LRRC4C: variants seen among roughly 807,000 people sequenced by gnomAD.
LRRC4C encodes the protein leucine-rich repeat-containing protein 4C.
In LRRC4C, 5 loss-of-function variants were observed where a neutral mutation model predicts 33.6. The ratio of observed to expected loss-of-function variants is 0.15; its 90% CI spans 0.08 to 0.31. The LOEUF (loss-of-function observed/expected upper bound fraction) is 0.31. LRRC4C is among the 10% of genes least tolerant of loss of function. The probability of loss-of-function intolerance (pLI) is 1.00; values close to 1 mark genes in which losing one functional copy is unlikely to be tolerated. For synonymous variants in LRRC4C, 329 were observed against 302.0 expected (o/e 1.09, Z -0.93); for missense variants, 560 against 796.7 (o/e 0.70, Z 3.58).
At chr11:40,816,826 T>C (rs146089305) in intron 2 of LRRC4C, among the ~76,000 whole-genome samples, 39 of 152,276 alleles carry the variant, frequency 2.6e-4, no homozygotes, top group African/African-American at 8.9e-4. Context: ...TTTGATGTTT[T>C]TTAATCCTCA....
chr11:41,041,183 C>T (rs951374600), intron 1 of LRRC4C, among the ~76,000 whole-genome samples: 1 of 152,102 alleles, frequency 6.6e-6, no homozygotes, highest in Non-Finnish European at 1.5e-5. Context: ...GCAGCTTCTT[C>T]CACAACTGCA....
At position 41,264,075 on chromosome 11, in the gene LRRC4C, T is replaced by C. The variant is rs59371830; in HGVS notation, c.-496+195356A>G. ...GTTACTTTTATAGTTTTCAGATACATACAAATTTCCTTTTTATTAATTTTT... is the reference window on the plus strand; with the variant it reads ...GTTACTTTTATAGTTTTCAGATACACACAAATTTCCTTTTTATTAATTTTT... On this transcript the variant is annotated intron_variant, in intron 1 of 6. Coordinates refer to ENST00000528697, the MANE Select transcript of LRRC4C (RefSeq NM_001258419.2). Among the ~76,000 whole-genome samples, 637 of 144,620 alleles carry C rather than the reference T, an allele frequency of 4.4e-3. 3 individuals are homozygous for C. Among genetic ancestry groups the C allele is most frequent in the African/African-American group, 0.014 (557 of 39,142 alleles). The allele number at this position is 144,620 out of a possible 152,430, so 94.9% of individuals were successfully genotyped here. A position where few individuals can be genotyped will look rare whatever the true frequency, so the allele number is the denominator to read the frequency against.
At position 41,364,030 on chromosome 11, in the gene LRRC4C, A is replaced by G. The variant is rs188215610; in HGVS notation, c.-496+95401T>C. Among the ~76,000 whole-genome samples, 9 of 152,248 alleles carry G rather than the reference A, an allele frequency of 5.9e-5. No homozygotes were observed. In the East Asian group the frequency reaches 1.7e-3, roughly 29 times the overall value. ...ACCTTGAAAATAAAAGTTCCAACAC[A>G]CTAGATGCCTTTTAAGAAAGTGATC... On this transcript the variant is annotated intron_variant, in intron 1 of 6. Coordinates refer to ENST00000528697, the MANE Select transcript of LRRC4C (RefSeq NM_001258419.2).
intron 2 of LRRC4C, among the ~76,000 whole-genome samples, chr11:40,656,247 T>A (rs1943105549): frequency 6.6e-6 from 1 of 151,798 alleles, no homozygotes; most frequent in African/African-American, 2.4e-5. Flanking sequence ...TCATCTCTAA[T>A]CCTTCTTTTC....
At chr11:40,710,547 A>C (rs4558157) in intron 2 of LRRC4C, among the ~76,000 whole-genome samples, 17,981 of 152,174 alleles carry the variant, frequency 0.12, 1,618 homozygotes, top group East Asian at 0.43. Flanking sequence ...AATATTGCAG[A>C]ACAGCAAATA....
intron 2 of LRRC4C, among the ~76,000 whole-genome samples, chr11:40,931,159 A>G (rs2061810056): frequency 6.6e-6 from 1 of 152,202 alleles, no homozygotes; most frequent in Non-Finnish European, 1.5e-5. Context: ...GAAAAGAATC[A>G]AACAGCAAAC....
intron 6 of LRRC4C, among the ~76,000 whole-genome samples, chr11:40,135,372 G>A (rs963781516): frequency 2.6e-5 from 4 of 152,120 alleles, no homozygotes; most frequent in Non-Finnish European, 4.4e-5. Context: ...TAGTTACCAT[G>A]GAATCTTGCA....
At chr11:41,434,579 C>T (rs755028872) in intron 1 of LRRC4C, among the ~76,000 whole-genome samples, 1 of 152,154 alleles carries the variant, frequency 6.6e-6, no homozygotes, top group Non-Finnish European at 1.5e-5. Context: ...ACTTCGTGCA[C>T]ATCAAAGTCT....
chr11:40,821,315 A>G (rs1399400700), intron 2 of LRRC4C, among the ~76,000 whole-genome samples: 1 of 151,766 alleles, frequency 6.6e-6, no homozygotes, highest in East Asian at 1.9e-4. Flanking sequence ...TTATATGAAA[A>G]TGAAAAGGAT....
chr11:41,116,699 A>G (rs1474273864), intron 1 of LRRC4C, among the ~76,000 whole-genome samples: 1 of 152,150 alleles, frequency 6.6e-6, no homozygotes, highest in Non-Finnish European at 1.5e-5. Context: ...AAAACCCTCC[A>G]TTAATTTGAT....
chr11:40,336,842 C>CG (rs902055001), intron 3 of LRRC4C, among the ~76,000 whole-genome samples: 31 of 151,162 alleles, frequency 2.1e-4, no homozygotes, highest in South Asian at 6.3e-4. Flanking sequence ...TCGGGAGTGG[C>CG]GGGGGGCGCC....
rs114840315 is a variant in LRRC4C, at chr11:41,095,666, G to T, written c.-495-161943C>A. 2.0e-3 allele frequency among the ~76,000 whole-genome samples: 310 copies of T among 152,278 alleles called. 3 individuals carry two copies. Among genetic ancestry groups the T allele is most frequent in the African/African-American group, 7.2e-3 (299 of 41,560 alleles). On this transcript the variant is annotated intron_variant, in intron 1 of 6. Transcript: ENST00000528697. Reference sequence around the variant, plus strand: ...GATAGAAGTGGGAGTTGGAGTGGAAGGTTAAGAAGGAATATATAATCATAT... The same window carrying T: ...GATAGAAGTGGGAGTTGGAGTGGAATGTTAAGAAGGAATATATAATCATAT...
chr11:40,857,620 G>T (rs1012272574), intron 2 of LRRC4C, among the ~76,000 whole-genome samples: 1 of 152,086 alleles, frequency 6.6e-6, no homozygotes, highest in East Asian at 1.9e-4. Context: ...GAATAAATAC[G>T]TATTATTAGA....
intron 1 of LRRC4C, among the ~76,000 whole-genome samples, chr11:41,394,087 T>G (rs1328906333): frequency 6.6e-6 from 1 of 151,938 alleles, no homozygotes; most frequent in Non-Finnish European, 1.5e-5. Context: ...TGACCTACAT[T>G]CAAAGTCTCT....
At chr11:40,585,680 A>G (rs866530015) in intron 3 of LRRC4C, among the ~76,000 whole-genome samples, 1 of 129,274 alleles carries the variant, frequency 7.7e-6, no homozygotes, top group Non-Finnish European at 1.6e-5. Context: ...TGTCCATGTG[A>G]TCTCATTGTT....
chr11:41,259,082 TATACTG>T (rs1948893131), intron 1 of LRRC4C, among the ~76,000 whole-genome samples: 1 of 152,036 alleles, frequency 6.6e-6, no homozygotes. Context: ...CTCTGTATCA[TATACTG>T]AGCACAACTT....
intron 5 of LRRC4C, among the ~76,000 whole-genome samples, chr11:40,154,547 G>T (rs1025336732): frequency 6.6e-6 from 1 of 152,130 alleles, no homozygotes; most frequent in Non-Finnish European, 1.5e-5. Flanking sequence ...GTGAGCCAGG[G>T]TAGTTATTCC....
rs373404259 is a variant in LRRC4C, at chr11:40,334,329, A to C, written c.-269-14608T>G. Among the ~76,000 whole-genome samples the C allele has an allele frequency of 2.0e-4, 29 of 146,532 alleles. No homozygotes were observed. In the South Asian group the frequency reaches 2.8e-3, roughly 14 times the overall value. On this transcript the variant is annotated intron_variant, in intron 3 of 6. Transcript: ENST00000528697. ...ATAATGGTTTCAGAAGATACCCACA[A>C]AAAAAAAAAAGTAAGCCAATGGGTA...
intron 4 of LRRC4C, among the ~76,000 whole-genome samples, chr11:40,263,502 A>G (rs1366098661): frequency 6.6e-6 from 1 of 151,930 alleles, no homozygotes; most frequent in African/African-American, 2.4e-5. Flanking sequence ...GGAATCACAC[A>G]ATGTAGTGGT....
Sources: gnomAD v4.1 joint callset for allele counts (sites outside exome capture counted in the v4.1 genomes callset) on GRCh38, gnomAD v4.1.1 for gene constraint, MANE v1.5 for transcripts, NCBI Gene and HGNC (gene_info 2026-07-23, HGNC 2026-07-21) for gene names.